Variants in SYNE2 observed in about 807,000 individuals in gnomAD.
SYNE2 encodes the protein spectrin repeat containing nuclear envelope protein 2.
In SYNE2, 431 loss-of-function variants were observed where a neutral mutation model predicts 856.3. That is an observed-to-expected ratio of 0.50 (90% CI 0.47 to 0.55). The LOEUF (loss-of-function observed/expected upper bound fraction) is 0.55. Ranked by LOEUF, SYNE2 falls within the 20% of genes least tolerant of loss-of-function variation. SYNE2 has a pLI of 0.00. For synonymous variants in SYNE2, 2,923 were observed against 2,872.3 expected (o/e 1.02, Z -0.56); for missense variants, 8,129 against 8,023.2 (o/e 1.01, Z -0.50).
At position 64,130,302 on chromosome 14, in the gene SYNE2, A is replaced by G. The variant is rs141255564; in HGVS notation, c.14340+54A>G. 3.7e-5 allele frequency: 54 copies of G among 1,444,022 alleles called. No individual in the cohort carries two copies. The African/African-American group carries it at 6.5e-4, about 17-fold the overall frequency. 89.5% of individuals were successfully genotyped at this position (1,444,022 alleles called of 1,614,324 possible). ...CCTTCATAGACTAAAATCTTAAGGTATTTCTGAATGTGAACAGAAAGGATC... is the reference window on the plus strand; with the variant it reads ...CCTTCATAGACTAAAATCTTAAGGTGTTTCTGAATGTGAACAGAAAGGATC... On this transcript the variant is annotated intron_variant, in intron 76 of 115. Coordinates refer to ENST00000555002, the MANE Select transcript of SYNE2 (RefSeq NM_182914.3).
At chr14:64,075,250 G>C (rs572598349) in intron 53 of SYNE2, among the ~76,000 whole-genome samples, 1 of 152,210 alleles carries the variant, frequency 6.6e-6, no homozygotes, top group Admixed American at 6.5e-5. Flanking sequence ...CCACAGTCAA[G>C]TCAAGAAGTA....
intron 34 of SYNE2, 110 bp from the exon 35 acceptor site, chr14:64,019,882 G>C (rs942390105): frequency 2.8e-5 from 22 of 772,672 alleles, no homozygotes; most frequent in Non-Finnish European, 4.8e-5. Context: ...CATGATTATG[G>C]GAAATTCAAG....
chr14:63,853,960 A>T (rs1318804704), intron 1 of SYNE2, among the ~76,000 whole-genome samples: 2 of 152,154 alleles, frequency 1.3e-5, no homozygotes, highest in African/African-American at 4.8e-5. Context: ...TGCTGGGAAC[A>T]TTAGCGCCTT....
chr14:64,047,979 T>TA (rs1567149135), intron 45 of SYNE2, 21 bp from the exon 46 acceptor site: 10 of 1,612,050 alleles, frequency 6.2e-6, no homozygotes, highest in Non-Finnish European at 7.6e-6. Context: ...ATTCAGCAAT[T>TA]AATCTTTTTA....
chr14:63,882,220 A>G (rs1405745176), intron 1 of SYNE2, among the ~76,000 whole-genome samples: 3 of 152,198 alleles, frequency 2.0e-5, no homozygotes, highest in Non-Finnish European at 4.4e-5. Flanking sequence ...GTCAACTTGA[A>G]TAATGTCATC....
In SYNE2 at chr14:64,026,709, A is replaced by G; in HGVS notation, c.6383A>G (p.His2128Arg). The stretch of plus-strand genomic sequence containing the variant: ...AGCAACCAGTGGGACAACACACTCC[A>G]TTTAGCTAGCACCTACCTAAGGTAA... ...DISNQWDNTL[H>R]LASTYLSHQE... The change falls in exon 42 of 116, where the codon CAT becomes CGT. Residue 2128 changes from histidine to arginine, a missense_variant. Physicochemically the swap from His to Arg is conservative, Grantham distance 29 (BLOSUM62 0). Coordinates refer to ENST00000555002, the MANE Select transcript of SYNE2 (RefSeq NM_182914.3). The G allele has an allele frequency of 1.9e-6, 3 of 1,610,740 alleles. No individual in the cohort carries two copies. Among genetic ancestry groups the G allele is most frequent in the Non-Finnish European group, 2.5e-6 (3 of 1,178,284 alleles).
At chr14:63,867,358 T>G (rs1895632135) in intron 1 of SYNE2, among the ~76,000 whole-genome samples, 1 of 150,220 alleles carries the variant, frequency 6.7e-6, no homozygotes, top group African/African-American at 2.4e-5. Flanking sequence ...CTATTCTCAG[T>G]TCTTCTGTGC....
intron 30 of SYNE2, among the ~76,000 whole-genome samples, chr14:64,005,349 G>A (rs1259344220): frequency 6.6e-6 from 1 of 152,222 alleles, no homozygotes; most frequent in African/African-American, 2.4e-5. Flanking sequence ...GCATGGACCA[G>A]TGGTAATGTG....
intron 107 of SYNE2, chr14:64,215,673 T>TTCC: frequency 2.0e-6 from 1 of 488,840 alleles, no homozygotes; most frequent in Non-Finnish European, 3.6e-6. Context: ...CCAAGCTTTC[T>TTCC]TCATGGTGGC....
intron 7 of SYNE2, among the ~76,000 whole-genome samples, chr14:63,953,376 C>G (rs1376409574): frequency 6.6e-6 from 1 of 152,088 alleles, no homozygotes; most frequent in Non-Finnish European, 1.5e-5. Context: ...GAAACAGGAA[C>G]AAGGCTGGTG....
At chr14:64,168,738 T>C (rs1308156409) in intron 92 of SYNE2, 139 bp from the exon 93 acceptor site, 1 of 659,230 alleles carries the variant, frequency 1.5e-6, no homozygotes, top group African/African-American at 1.8e-5. Flanking sequence ...TGAACATTTT[T>C]TGCAGTAGGT....
In SYNE2 at chr14:64,051,627, G is replaced by T; in HGVS notation, c.7714G>T (p.Asp2572Tyr). 6.2e-7 allele frequency: 1 copy of T among 1,614,002 alleles called. No homozygotes were observed. The highest frequency in any genetic ancestry group is 1.1e-5 in the South Asian group (1 of 91,070). ...KFIASIEKEK[D>Y]SLGNLKIKWE... ...CATAGCATCCATAGAAAAAGAGAAA[G>T]ATTCTTTAGGCAACTTGAAAATCAA... is the stretch of plus-strand genomic sequence containing the variant. Residue 2572 changes from aspartate (D) to tyrosine (Y), a missense_variant, in exon 48 of 116, where the codon GAT becomes TAT. Around this residue, in one of 3 missense-constraint regions of SYNE2, gnomAD observed 5,410 missense variants for 5,284.8 expected, o/e 1.02. Coordinates refer to ENST00000555002, the MANE Select transcript of SYNE2 (RefSeq NM_182914.3).
In SYNE2 at chr14:64,107,617, G is replaced by A. The variant is rs1362330830; in HGVS notation, c.12609+10G>A. 1 of 1,609,020 alleles carries A rather than the reference G, an allele frequency of 6.2e-7. No individual in the cohort carries two copies. Among genetic ancestry groups the A allele is most frequent in the African/African-American group, 1.3e-5 (1 of 74,800 alleles). ...CAACCAAACAGAAGAGGTAAGTCCT[G>A]GTTGGTAATAAGTAAACTGCTCAGA... On this transcript the variant is annotated intron_variant, in intron 65 of 115. Transcript: ENST00000555002.
intron 100 of SYNE2, chr14:64,207,853 T>G (rs1228399851): frequency 1.9e-5 from 7 of 364,652 alleles, no homozygotes; most frequent in Non-Finnish European, 3.8e-5. Context: ...GATATTAAAA[T>G]TAATGCTGTG....
chr14:64,128,803 G>A (rs1048351883), intron 74 of SYNE2, among the ~76,000 whole-genome samples: 2 of 152,298 alleles, frequency 1.3e-5, no homozygotes, highest in South Asian at 2.1e-4. Context: ...TGTTGGTAAG[G>A]GTATTGGAAA....
At chr14:64,098,964 T>C (rs1214280032) in intron 63 of SYNE2, 143 bp downstream of exon 63, 1 of 810,918 alleles carries the variant, frequency 1.2e-6, no homozygotes, top group Non-Finnish European at 2.0e-6. Context: ...AGTAGTTCTC[T>C]TATGTTATTA....
rs955209945 is a variant in SYNE2 at position 64,140,175 on chromosome 14, T to G, written c.14976+102T>G. On this transcript the variant is annotated intron_variant, in intron 80 of 115. Coordinates refer to ENST00000555002, the MANE Select transcript of SYNE2 (RefSeq NM_182914.3). ...GATAGTCTTCGTATTTATTTGTGGA[T>G]AAGGGGTAAGACTTGGGCGAATGGC... 3.7e-4 allele frequency: 449 copies of G among 1,208,232 alleles called. 3 individuals carry two copies. The highest frequency in any genetic ancestry group is 2.1e-4 in the Admixed American group (12 of 56,488). 74.8% of individuals were successfully genotyped at this position (1,208,232 alleles called of 1,614,324 possible).
chr14:64,049,692 G>A lies in SYNE2; in HGVS notation c.7459G>A (p.Gly2487Arg), dbSNP rs762294415. The A allele has an allele frequency of 6.2e-7, 1 of 1,614,072 alleles. No individual in the cohort carries two copies. The highest frequency in any genetic ancestry group is 8.5e-7 in the Non-Finnish European group (1 of 1,180,022). ...QTECLNKTET[G>R]ALVLHNIGYS... ...AGAATGTCTTAACAAAACAGAAACTGGGGCCTTGGTTCTCCACAATATAGG... is the reference window on the plus strand; with the variant it reads ...AGAATGTCTTAACAAAACAGAAACTAGGGCCTTGGTTCTCCACAATATAGG... The change falls in exon 47 of 116, where the codon GGG becomes AGG. Residue 2487 changes from glycine (G) to arginine (R), a missense_variant. Transcript: ENST00000555002.
chr14:63,872,579 A>C (rs1897113931), intron 1 of SYNE2, among the ~76,000 whole-genome samples: 1 of 151,986 alleles, frequency 6.6e-6, no homozygotes, highest in African/African-American at 2.4e-5. Flanking sequence ...AATATGGTGA[A>C]ATCCCATCTC....
Sources: allele counts gnomAD v4.1 joint callset (sites outside exome capture counted in the v4.1 genomes callset), GRCh38; gene constraint gnomAD v4.1.1; regional missense constraint gnomAD v4.1.1; transcripts MANE v1.5; gene names NCBI Gene and HGNC (gene_info 2026-07-23, HGNC 2026-07-21).